The following C2CD5 variants were observed in gnomAD, a reference collection of about 807,000 sequenced individuals.
C2CD5 encodes the protein C2 calcium dependent domain containing 5, also known as C2 domain-containing protein 5.
In C2CD5, 109 loss-of-function variants were observed where a neutral mutation model predicts 130.3. The ratio of observed to expected loss-of-function variants is 0.84; its 90% CI spans 0.72 to 0.98. C2CD5 has a LOEUF of 0.98. Ranked by LOEUF, C2CD5 falls within the 50% of genes least tolerant of loss-of-function variation. The pLI is 0.00. For missense variants in C2CD5, 996 were observed against 1,261.8 expected (o/e 0.79, Z 3.19); for synonymous variants, 454 against 429.2 (o/e 1.06, Z -0.71).
intron 24 of C2CD5, 49 bp from the exon 25 acceptor site, chr12:22,457,210 A>T: frequency 7.7e-7 from 1 of 1,299,818 alleles, no homozygotes; most frequent in Non-Finnish European, 1.1e-6. Flanking sequence ...CGCTGGTAAC[A>T]CAATTATTCC....
chr12:22,473,390 C>G (rs1943352014), intron 16 of C2CD5, among the ~76,000 whole-genome samples: 1 of 152,180 alleles, frequency 6.6e-6, no homozygotes, highest in African/African-American at 2.4e-5. Flanking sequence ...ACATCACCCT[C>G]AGGACTTCAA....
intron 4 of C2CD5, among the ~76,000 whole-genome samples, chr12:22,526,900 T>C (rs988376817): frequency 1.4e-4 from 21 of 152,194 alleles, no homozygotes; most frequent in Non-Finnish European, 3.1e-4. Context: ...AGAAAGCAAA[T>C]CCCAGCACTC....
At chr12:22,454,065 A>G in intron 25 of C2CD5, 23 bp from the exon 26 acceptor site, 1 of 1,593,006 alleles carries the variant, frequency 6.3e-7, no homozygotes, top group Non-Finnish European at 8.6e-7. Flanking sequence ...GCACAGGAAA[A>G]TCATACTATA....
At chr12:22,454,274 C>A (rs568113359) in intron 25 of C2CD5, among the ~76,000 whole-genome samples, 4 of 152,092 alleles carry the variant, frequency 2.6e-5, no homozygotes, top group Non-Finnish European at 4.4e-5. Context: ...AAACTGAAGC[C>A]CGGAGAATTT....
intron 4 of C2CD5, 54 bp from the exon 5 acceptor site, chr12:22,525,759 T>TA (rs1443431574): frequency 1.2e-6 from 1 of 840,194 alleles, no homozygotes; most frequent in Non-Finnish European, 2.0e-6. Flanking sequence ...AATGTACAAT[T>TA]AAATAATGAA....
At chr12:22,459,397 G>T (rs946954123) in intron 23 of C2CD5, 95 bp downstream of exon 23, 14 of 735,750 alleles carry the variant, frequency 1.9e-5, no homozygotes, top group Non-Finnish European at 2.8e-5. Context: ...ATTCCATATT[G>T]TCCAGTGCAT....
At chr12:22,514,151 A>G (rs1024674458) in intron 8 of C2CD5, among the ~76,000 whole-genome samples, 32 of 152,272 alleles carry the variant, frequency 2.1e-4, no homozygotes, top group African/African-American at 7.5e-4. Context: ...TGGTCAAACA[A>G]TCATAGAAAG....
chr12:22,513,506 G>C (rs1234071135), intron 8 of C2CD5, 127 bp from the exon 9 acceptor site: 3 of 691,362 alleles, frequency 4.3e-6, no homozygotes, highest in African/African-American at 3.6e-5. Context: ...TAAAGCACTG[G>C]GGATGACAAA....
intron 15 of C2CD5, among the ~76,000 whole-genome samples, chr12:22,476,575 T>A (rs756909801): frequency 6.6e-6 from 1 of 152,112 alleles, no homozygotes; most frequent in Non-Finnish European, 1.5e-5. Context: ...ATGGATGAAG[T>A]AACTTAATTC....
chr12:22,504,381 A>C (rs1948213264), intron 10 of C2CD5, among the ~76,000 whole-genome samples: 1 of 150,936 alleles, frequency 6.6e-6, no homozygotes, highest in South Asian at 2.1e-4. Flanking sequence ...AGCTCACTAC[A>C]ACCTCCGCCT....
chr12:22,515,066 C>G (rs1254764833), intron 8 of C2CD5: 1 of 984,850 alleles, frequency 1.0e-6, no homozygotes, highest in Admixed American at 6.2e-5. Flanking sequence ...GAGGAGGAGA[C>G]AGGACTTTTT....
chr12:22,518,944 G>C, intron 7 of C2CD5: 3 of 523,448 alleles, frequency 5.7e-6, no homozygotes, highest in Non-Finnish European at 3.3e-6. Flanking sequence ...TATAGTTAGA[G>C]ACTCTGTGGC....
At chr12:22,505,284 T>A (rs1249433031) in intron 10 of C2CD5, among the ~76,000 whole-genome samples, 2 of 145,314 alleles carry the variant, frequency 1.4e-5, no homozygotes, top group Non-Finnish European at 3.0e-5. Flanking sequence ...TGAGACAGAG[T>A]TTCGCTCTTG....
intron 26 of C2CD5, among the ~76,000 whole-genome samples, chr12:22,452,238 A>G (rs910092555): frequency 1.3e-5 from 2 of 152,222 alleles, no homozygotes; most frequent in Non-Finnish European, 2.9e-5. Flanking sequence ...AAGATCTAAT[A>G]GATGCGTTCT....
At chr12:22,453,616 T>C (rs1939176983) in intron 26 of C2CD5, among the ~76,000 whole-genome samples, 1 of 152,132 alleles carries the variant, frequency 6.6e-6, no homozygotes, top group African/African-American at 2.4e-5. Context: ...ATCACTGTAT[T>C]CTAAACACCT....
At position 22,518,978 on chromosome 12, in the gene C2CD5, T is replaced by C. The variant is rs778408536; in HGVS notation, c.801-841A>G. The C allele has an allele frequency of 5.6e-5, 38 of 674,456 alleles. 1 individual carries two copies. The highest frequency in any genetic ancestry group is 4.7e-6 in the Non-Finnish European group (2 of 422,224). The allele number at this position is 674,456 out of a possible 1,614,324, so 41.8% of individuals were successfully genotyped here. A position where few individuals can be genotyped will look rare whatever the true frequency, so the allele number is the denominator to read the frequency against. On this transcript the variant is annotated intron_variant, in intron 7 of 26. Transcript: ENST00000446597. The stretch of plus-strand genomic sequence containing the variant: ...GCAGCTAAATACAGAAGTTCCTCAC[T>C]GCAGCTGGACTTCGAGTAAGAAAAG...
intron 2 of C2CD5, among the ~76,000 whole-genome samples, chr12:22,537,423 C>G (rs545227077): frequency 6.6e-6 from 1 of 152,096 alleles, no homozygotes; most frequent in South Asian, 2.1e-4. Flanking sequence ...GGACAAGAAA[C>G]AAAAAGAAAA....
chr12:22,460,368 C>T (rs898580955), intron 22 of C2CD5, among the ~76,000 whole-genome samples: 4 of 152,220 alleles, frequency 2.6e-5, no homozygotes, highest in Middle Eastern at 3.4e-3. Flanking sequence ...ATGAAAAGCA[C>T]TGAGAATAAT....
chr12:22,533,320 G>A (rs561982468), intron 3 of C2CD5, among the ~76,000 whole-genome samples: 3 of 152,252 alleles, frequency 2.0e-5, no homozygotes, highest in South Asian at 2.1e-4. Flanking sequence ...GTGCCTTCAC[G>A]GCATTGTGAG....
Sources: gnomAD v4.1 joint callset for allele counts (sites outside exome capture counted in the v4.1 genomes callset) on GRCh38, gnomAD v4.1.1 for gene constraint, MANE v1.5 for transcripts, NCBI Gene and HGNC (gene_info 2026-07-23, HGNC 2026-07-21) for gene names.